N4BP1: variants seen among roughly 807,000 people sequenced by gnomAD.
N4BP1 encodes NEDD4-binding protein 1.
N4BP1 carries 21 observed loss-of-function variants against 70.9 expected under a neutral mutation model. That is an observed-to-expected ratio of 0.30 (90% CI 0.21 to 0.43). N4BP1 has a LOEUF of 0.43. Among genes scored for constraint, N4BP1 ranks in the 20% least tolerant of loss-of-function variants. N4BP1 has a pLI of 1.00. For synonymous variants in N4BP1, 387 were observed against 394.6 expected, an observed-to-expected ratio of 0.98 and a Z score of 0.23; for missense variants, 936 against 1,069.4, an observed-to-expected ratio of 0.88 and a Z score of 1.74.
intron 1 of N4BP1, among the ~76,000 whole-genome samples, chr16:48,596,608 G>C (rs1430327871): frequency 6.6e-6 from 1 of 152,232 alleles, no homozygotes; most frequent in Non-Finnish European, 1.5e-5. Flanking sequence ...GACAGTGAAA[G>C]AGATCAGACT....
At position 48,540,065 on chromosome 16, in the gene N4BP1, T is replaced by A. The variant is rs561649723; in HGVS notation, c.*2839A>T. ...AATCAGGCTGTTTCAATCTAAAACA[T>A]CCAAGATAAGTGGAAACACTGGGGA... On this transcript the variant is annotated 3_prime_UTR_variant, in exon 7 of 7. Coordinates refer to ENST00000262384, the MANE Select transcript of N4BP1 (RefSeq NM_153029.4). The A allele has an allele frequency of 6.6e-6, 1 of 152,346 alleles. No homozygotes were observed. Among genetic ancestry groups the A allele is most frequent in the East Asian group, 1.9e-4 (1 of 5,174 alleles). The allele number at this position is 152,346 out of a possible 1,614,324, so 9.4% of individuals were successfully genotyped here.
intron 5 of N4BP1, among the ~76,000 whole-genome samples, chr16:48,547,330 G>T (rs1465372702): frequency 6.6e-6 from 1 of 152,164 alleles, no homozygotes; most frequent in Non-Finnish European, 1.5e-5. Context: ...AACTGGTCAG[G>T]TGATACTGGT....
chr16:48,577,439 T>C (rs1964109828), intron 1 of N4BP1: 1 of 153,266 alleles, frequency 6.5e-6, no homozygotes, highest in Non-Finnish European at 1.5e-5. Flanking sequence ...ATTTTACTGT[T>C]CTGGTGATAA....
chr16:48,588,769 C>T (rs925577034), intron 1 of N4BP1, among the ~76,000 whole-genome samples: 1 of 152,194 alleles, frequency 6.6e-6, no homozygotes, highest in African/African-American at 2.4e-5. Flanking sequence ...GCAATTTAGA[C>T]AGCCACATGG....
rs747378708 is a variant in N4BP1 at position 48,561,460 on chromosome 16, T to C, written c.1183A>G (p.Arg395Gly). 2.5e-6 allele frequency: 4 copies of C among 1,611,936 alleles called. No individual in the cohort carries two copies. The highest frequency in any genetic ancestry group is 2.2e-5 in the East Asian group (1 of 44,874). Reference protein sequence around the residue: ...EKENKRFQEDREFSAGTVYPE... With the variant: ...EKENKRFQEDGEFSAGTVYPE... Reference sequence around the variant, plus strand: ...TACACTGTACCAGCTGAAAATTCTCTGTCTTCTTGGAATCTTTTATTTTCT... The same window carrying C: ...TACACTGTACCAGCTGAAAATTCTCCGTCTTCTTGGAATCTTTTATTTTCT... Residue 395 changes from arginine (R) to glycine (G), a missense_variant, in exon 2 of 7, where the codon AGA (arginine) becomes GGA (glycine). Transcript: ENST00000262384.
chr16:48,600,491 C>T, intron 1 of N4BP1: 1 of 599,780 alleles, frequency 1.7e-6, no homozygotes, highest in East Asian at 3.5e-5. Context: ...TTATAATGAA[C>T]AGATTGAAGA....
intron 2 of N4BP1, among the ~76,000 whole-genome samples, chr16:48,554,042 C>A (rs972417428): frequency 1.3e-5 from 2 of 152,172 alleles, no homozygotes; most frequent in East Asian, 3.8e-4. Flanking sequence ...GAGGGCTCCA[C>A]TCTTTTTAGG....
At chr16:48,588,259 T>G (rs1964277668) in intron 1 of N4BP1, among the ~76,000 whole-genome samples, 1 of 150,922 alleles carries the variant, frequency 6.6e-6, no homozygotes, top group Non-Finnish European at 1.5e-5. Flanking sequence ...GTAAAAAAAA[T>G]GGCAGCATGT....
intron 1 of N4BP1, among the ~76,000 whole-genome samples, chr16:48,598,600 T>A (rs1412353274): frequency 6.6e-6 from 1 of 152,196 alleles, no homozygotes; most frequent in African/African-American, 2.4e-5. Context: ...AGGGATCCCC[T>A]CTTGGTCCCT....
chr16:48,597,178 A>C (rs1198289471), intron 1 of N4BP1, among the ~76,000 whole-genome samples: 2 of 152,218 alleles, frequency 1.3e-5, no homozygotes, highest in East Asian at 3.8e-4. Context: ...CCACACAGCC[A>C]GCTCTGTGTG....
At chr16:48,600,450 G>C in intron 1 of N4BP1, 1 of 632,672 alleles carries the variant, frequency 1.6e-6, no homozygotes, top group South Asian at 1.4e-5. Context: ...GAAGACAGTT[G>C]AAGAGATCAA....
Position 48,600,468 on chromosome 16 carries a change from C to G in N4BP1, c.198+9307G>C, listed in dbSNP as rs145864370. The G allele has an allele frequency of 8.2e-6, 5 of 611,886 alleles. No individual in the cohort carries two copies. In the African/African-American group the frequency reaches 9.2e-5, roughly 11 times the overall value. 37.9% of individuals were successfully genotyped at this position (611,886 alleles called of 1,614,324 possible). ...GACAGTTGAAGAGATCAAACAGAAACGCCAAGCTAAATTTATAATGAACAG... is the reference window on the plus strand; with the variant it reads ...GACAGTTGAAGAGATCAAACAGAAAGGCCAAGCTAAATTTATAATGAACAG... On this transcript the variant is annotated intron_variant, in intron 1 of 6. Transcript: ENST00000262384.
intron 1 of N4BP1, among the ~76,000 whole-genome samples, chr16:48,590,696 G>A (rs1259295741): frequency 1.3e-5 from 2 of 152,226 alleles, no homozygotes; most frequent in Non-Finnish European, 2.9e-5. Flanking sequence ...ATCCTGGGCA[G>A]ATGTCCAATA....
chr16:48,551,093 C>A (rs1312444033), intron 4 of N4BP1, among the ~76,000 whole-genome samples: 1 of 152,180 alleles, frequency 6.6e-6, no homozygotes, highest in African/African-American at 2.4e-5. Context: ...ATTTTCAAGC[C>A]TGCCACACTA....
intron 5 of N4BP1, among the ~76,000 whole-genome samples, chr16:48,547,613 C>T (rs1963607784): frequency 1.3e-5 from 2 of 152,240 alleles, no homozygotes; most frequent in Non-Finnish European, 2.9e-5. Context: ...ACATTGCTTT[C>T]GGTCCTTTCC....
intron 1 of N4BP1, among the ~76,000 whole-genome samples, chr16:48,574,764 A>C (rs1178423855): frequency 6.6e-6 from 1 of 152,192 alleles, no homozygotes; most frequent in African/African-American, 2.4e-5. Context: ...ATATACAACA[A>C]TCTTTTCACA....
At chr16:48,604,691 G>A (rs1964552153) in intron 1 of N4BP1, among the ~76,000 whole-genome samples, 1 of 151,166 alleles carries the variant, frequency 6.6e-6, no homozygotes, top group African/African-American at 2.4e-5. Context: ...ACATATAACT[G>A]TTTTTTTAAA....
chr16:48,602,182 C>T (rs1357953206), intron 1 of N4BP1, among the ~76,000 whole-genome samples: 1 of 152,138 alleles, frequency 6.6e-6, no homozygotes, highest in Non-Finnish European at 1.5e-5. Context: ...CGAGATCATG[C>T]CACTGCACTC....
rs755173536 is a variant in N4BP1 at position 48,561,427 on chromosome 16, T to C, written c.1216A>G (p.Thr406Ala). 26 of 1,613,804 alleles carry C rather than the reference T, an allele frequency of 1.6e-5. No individual in the cohort carries two copies. Among genetic ancestry groups the C allele is most frequent in the Non-Finnish European group, 1.9e-5 (22 of 1,179,882 alleles). ...EFSAGTVYPETNKTKNKGVYS... is the reference protein window; with the variant it reads ...EFSAGTVYPEANKTKNKGVYS... ...ACACCTTTATTTTTGGTTTTGTTGG[T>C]CTCTGGATACACTGTACCAGCTGAA... is the stretch of plus-strand genomic sequence containing the variant. Residue 406 changes from threonine (T) to alanine (A), a missense_variant, in exon 2 of 7, where the codon ACC becomes GCC. Around this residue, in one of 4 missense-constraint regions of N4BP1, gnomAD observed 515 missense variants for 491.7 expected, o/e 1.05. Transcript: ENST00000262384.
Sources: gnomAD v4.1 joint callset for allele counts (sites outside exome capture counted in the v4.1 genomes callset) on GRCh38, gnomAD v4.1.1 for gene constraint, gnomAD v4.1.1 regional missense constraint, MANE v1.5 for transcripts, NCBI Gene and HGNC (gene_info 2026-07-23, HGNC 2026-07-21) for gene names.